The following TLL2 variants were observed in gnomAD, a reference collection of about 807,000 sequenced individuals.
TLL2 encodes tolloid like 2, also known as tolloid-like protein 2.
TLL2 carries 106 observed loss-of-function variants against 123.0 expected under a neutral mutation model. That is an observed-to-expected ratio of 0.86 (90% CI 0.74 to 1.01). The LOEUF (loss-of-function observed/expected upper bound fraction) is 1.01, where lower values mean the gene tolerates loss of function less well. Ranked by LOEUF, TLL2 falls within the 50% of genes least tolerant of loss-of-function variation. The pLI is 0.00. For synonymous variants in TLL2, 494 were observed against 516.8 expected (o/e 0.96, Z 0.60); for missense variants, 1,332 against 1,336.7 (o/e 1.00, Z 0.06).
chr10:96,373,455 A>T, intron 19 of TLL2, 141 bp downstream of exon 19: 2 of 780,488 alleles, frequency 2.6e-6, no homozygotes, highest in Non-Finnish European at 4.1e-6. Flanking sequence ...GCTTCATTTT[A>T]ATAGGACATT....
At chr10:96,427,380 T>G (rs1846688643) in intron 5 of TLL2, among the ~76,000 whole-genome samples, 1 of 152,210 alleles carries the variant, frequency 6.6e-6, no homozygotes, top group South Asian at 2.1e-4. Context: ...CTCTACTTAT[T>G]TTTTGGTCAA....
intron 5 of TLL2, among the ~76,000 whole-genome samples, chr10:96,423,128 CAAAAA>C (rs10577803): frequency 2.4e-4 from 29 of 119,882 alleles, no homozygotes; most frequent in African/African-American, 6.9e-4. Flanking sequence ...AACACCGTCT[CAAAAA>C]AAAAAAAAAA....
At chr10:96,456,478 C>A (rs1425976156) in intron 2 of TLL2, among the ~76,000 whole-genome samples, 1 of 152,158 alleles carries the variant, frequency 6.6e-6, no homozygotes, top group Non-Finnish European at 1.5e-5. Flanking sequence ...TCCCTGGTAA[C>A]CCGCTCTCTG....
chr10:96,485,165 TA>T (rs1321172588), intron 1 of TLL2, among the ~76,000 whole-genome samples: 3 of 152,150 alleles, frequency 2.0e-5, no homozygotes, highest in African/African-American at 4.8e-5. Context: ...ATGTAGGAGC[TA>T]AAACCAAAAA....
intron 3 of TLL2, among the ~76,000 whole-genome samples, chr10:96,433,797 T>C (rs1415422492): frequency 6.6e-6 from 1 of 152,232 alleles, no homozygotes; most frequent in East Asian, 1.9e-4. Context: ...TGTTTGTTTA[T>C]TGAGACAGAG....
chr10:96,396,050 C>G (rs777659724), intron 11 of TLL2, 30 bp from the exon 12 acceptor site: 4 of 1,611,528 alleles, frequency 2.5e-6, no homozygotes, highest in Non-Finnish European at 3.4e-6. Context: ...GAGAGGAAGA[C>G]GGGGGCCCTG....
intron 2 of TLL2, among the ~76,000 whole-genome samples, chr10:96,467,557 C>G (rs1314286509): frequency 6.6e-6 from 1 of 152,118 alleles, no homozygotes; most frequent in African/African-American, 2.4e-5. Context: ...ATTTTGTCAA[C>G]AAGAATTCAC....
intron 2 of TLL2, among the ~76,000 whole-genome samples, chr10:96,451,358 G>A (rs1020355798): frequency 1.3e-5 from 2 of 152,078 alleles, no homozygotes; most frequent in Non-Finnish European, 2.9e-5. Flanking sequence ...TACACACAAC[G>A]CCCCTCCACC....
intron 1 of TLL2, among the ~76,000 whole-genome samples, chr10:96,494,998 C>T (rs1281014317): frequency 6.6e-6 from 1 of 152,198 alleles, no homozygotes; most frequent in African/African-American, 2.4e-5. Context: ...AGTCCATGGT[C>T]ACTGACCTTA....
intron 1 of TLL2, among the ~76,000 whole-genome samples, chr10:96,492,936 G>C (rs1847429688): frequency 1.3e-5 from 2 of 152,150 alleles, no homozygotes; most frequent in Admixed American, 1.3e-4. Context: ...CAGGTCACTG[G>C]GTCCAACACT....
At chr10:96,463,952 CAAAG>C (rs1476104762) in intron 2 of TLL2, among the ~76,000 whole-genome samples, 2 of 152,284 alleles carry the variant, frequency 1.3e-5, no homozygotes, top group Middle Eastern at 3.4e-3. Context: ...ACCAGGAATT[CAAAG>C]AAAGAAACGA....
At chr10:96,507,303 C>A (rs63423461) in intron 1 of TLL2, among the ~76,000 whole-genome samples, 1 of 147,654 alleles carries the variant, frequency 6.8e-6, no homozygotes, top group Admixed American at 6.8e-5. Context: ...TGCCTCCCCC[C>A]AGCTCTGCCC....
chr10:96,466,110 A>T (rs1286578506), intron 2 of TLL2, among the ~76,000 whole-genome samples: 1 of 152,202 alleles, frequency 6.6e-6, no homozygotes, highest in Non-Finnish European at 1.5e-5. Flanking sequence ...GATTCCTTGG[A>T]CAATGGCAGC....
chr10:96,484,009 T>A (rs1338764356), intron 1 of TLL2, among the ~76,000 whole-genome samples: 1 of 152,128 alleles, frequency 6.6e-6, no homozygotes, highest in Non-Finnish European at 1.5e-5. Flanking sequence ...TGCTGGCTAA[T>A]ATTTTTGTAT....
intron 9 of TLL2, among the ~76,000 whole-genome samples, chr10:96,408,865 T>G (rs1242987176): frequency 2.6e-5 from 4 of 152,182 alleles, no homozygotes; most frequent in Non-Finnish European, 5.9e-5. Context: ...TGCAACAAAC[T>G]TAGAAGCCTT....
chr10:96,404,778 T>C (rs771469088), intron 10 of TLL2, among the ~76,000 whole-genome samples: 1 of 152,192 alleles, frequency 6.6e-6, no homozygotes. Flanking sequence ...TCCTACTGCT[T>C]ATTCTATTTT....
At chr10:96,378,925 A>G in intron 17 of TLL2, 42 bp downstream of exon 17, 1 of 1,610,054 alleles carries the variant, frequency 6.2e-7, no homozygotes, top group South Asian at 1.1e-5. Flanking sequence ...GGGTGCGGCG[A>G]AGGGCAGCCC....
At position 96,478,280 on chromosome 10, in the gene TLL2, C is replaced by T. The variant is rs1397119091; in HGVS notation, c.286+2069G>A. The stretch of plus-strand genomic sequence containing the variant: ...ACCCTGAGCATTCTTGATGGTGGGC[C>T]GGCGTCAAGCCAGTGAGACCCAAAC... On this transcript the variant is annotated intron_variant, in intron 2 of 20. Transcript: ENST00000357947. 3.9e-5 allele frequency among the ~76,000 whole-genome samples: 6 copies of T among 152,202 alleles called. No homozygotes were observed. The East Asian group carries it at 7.7e-4, about 20-fold the overall frequency.
Position 96,466,042 on chromosome 10 carries a change from C to A in TLL2, c.286+14307G>T, listed in dbSNP as rs190822165. 5.9e-3 allele frequency among the ~76,000 whole-genome samples: 897 copies of A among 152,320 alleles called. 4 individuals are homozygous for A. The highest frequency in any genetic ancestry group is 8.8e-3 in the Non-Finnish European group (599 of 68,030). On this transcript the variant is annotated intron_variant, in intron 2 of 20. Transcript: ENST00000357947. ...CTGGTTGACCACACAGGACCTCTCG[C>A]TTGAAGGGGAATGGGAAAGTCATGC...
Sources: allele counts gnomAD v4.1 joint callset (sites outside exome capture counted in the v4.1 genomes callset), GRCh38; gene constraint gnomAD v4.1.1; transcripts MANE v1.5; gene names NCBI Gene and HGNC (gene_info 2026-07-23, HGNC 2026-07-21).